The following ANKS3 variants were observed in gnomAD, a reference collection of about 807,000 sequenced individuals.
ANKS3 encodes the protein ankyrin repeat and SAM domain-containing protein 3.
Under a neutral mutation model 80.7 loss-of-function variants are expected in ANKS3, and 62 were observed. That is an observed-to-expected ratio of 0.77 (90% CI 0.63 to 0.95). The LOEUF is 0.95. Ranked by LOEUF, ANKS3 falls within the 40% of genes least tolerant of loss-of-function variation. The pLI is 0.00. For missense variants in ANKS3, 1,150 were observed against 883.6 expected, an observed-to-expected ratio of 1.30 and a Z score of -3.82; for synonymous variants, 489 against 355.3, an observed-to-expected ratio of 1.38 and a Z score of -4.23.
At chr16:4,697,542 T>C (rs950438856) in intron 15 of ANKS3, 126 bp from the exon 16 acceptor site, 10 of 761,610 alleles carry the variant, frequency 1.3e-5, no homozygotes, top group Non-Finnish European at 2.0e-5. Context: ...CCTGACAGTG[T>C]CTAAGCAACC....
intron 7 of ANKS3, among the ~76,000 whole-genome samples, chr16:4,713,443 AGTTGGG>A (rs1192954543): frequency 6.6e-6 from 1 of 152,108 alleles, no homozygotes; most frequent in Non-Finnish European, 1.5e-5. Flanking sequence ...ATACCCTGAG[AGTTGGG>A]GGGAAAAAAA....
chr16:4,696,930 G>A (rs898993383), intron 17 of ANKS3, 34 bp from the exon 18 acceptor site: 10 of 1,204,636 alleles, frequency 8.3e-6, no homozygotes, highest in African/African-American at 1.5e-5. Flanking sequence ...AAGGGAGGGG[G>A]ACAGGTGGGT....
At chr16:4,704,121 C>T (rs996605284) in intron 8 of ANKS3, among the ~76,000 whole-genome samples, 2 of 152,180 alleles carry the variant, frequency 1.3e-5, no homozygotes, top group African/African-American at 2.4e-5. Flanking sequence ...GCCAGCAGCT[C>T]GAGAGAGGCC....
At chr16:4,710,601 C>T (rs1055285130) in intron 7 of ANKS3, among the ~76,000 whole-genome samples, 2 of 151,890 alleles carry the variant, frequency 1.3e-5, no homozygotes, top group South Asian at 4.1e-4. Flanking sequence ...CCTAGCTACT[C>T]GTAGAGCTGA....
rs1027352591 is a variant in ANKS3 at position 4,697,531 on chromosome 16, G to A, written c.1811-115C>T. 7.5e-5 allele frequency: 63 copies of A among 834,616 alleles called. 1 individual carries two copies. In the East Asian group the frequency reaches 1.2e-3, roughly 17 times the overall value. The allele number at this position is 834,616 out of a possible 1,614,324, so 51.7% of individuals were successfully genotyped here. On this transcript the variant is annotated intron_variant, in intron 15 of 17. Coordinates refer to ENST00000304283, the MANE Select transcript of ANKS3 (RefSeq NM_133450.4). ...TGCTTGGATCAGAACCTCCCTACCCGCCTGACAGTGTCTAAGCAACCTCCC... is the reference window on the plus strand; with the variant it reads ...TGCTTGGATCAGAACCTCCCTACCCACCTGACAGTGTCTAAGCAACCTCCC...
intron 9 of ANKS3, 171 bp downstream of exon 9, chr16:4,701,931 A>G: frequency 1.2e-6 from 1 of 815,802 alleles, no homozygotes. Context: ...ATGCTGGACC[A>G]GAAGCTTCTC....
In ANKS3 at chr16:4,698,790, A is replaced by G; in HGVS notation, c.1551+10T>C. On this transcript the variant is annotated intron_variant, in intron 13 of 17. Coordinates refer to ENST00000304283, the MANE Select transcript of ANKS3 (RefSeq NM_133450.4). ...CACCCTGCCCCCCCATCCCCCACCC[A>G]GCCACTCACCTTGTGCAGCTGGATG... 6.3e-7 allele frequency: 1 copy of G among 1,598,904 alleles called. No individual in the cohort carries two copies. Among genetic ancestry groups the G allele is most frequent in the Non-Finnish European group, 8.5e-7 (1 of 1,173,248 alleles).
chr16:4,702,057 A>C, intron 9 of ANKS3, 45 bp downstream of exon 9: 1 of 1,532,190 alleles, frequency 6.5e-7, no homozygotes, highest in Admixed American at 1.9e-5. Context: ...CAGGAGCTCC[A>C]GGACCTGCCT....
intron 7 of ANKS3, among the ~76,000 whole-genome samples, chr16:4,713,311 T>G (rs2080601065): frequency 6.6e-6 from 1 of 151,496 alleles, no homozygotes; most frequent in Admixed American, 6.6e-5. Flanking sequence ...TGCCTTCAAA[T>G]GCACTGACAA....
In ANKS3 at chr16:4,729,976, T is replaced by C. The variant is rs1444840128; in HGVS notation, c.170+4A>G. 1 of 1,472,258 alleles carries C rather than the reference T, an allele frequency of 6.8e-7. No homozygotes were observed. The highest frequency in any genetic ancestry group is 9.1e-7 in the Non-Finnish European group (1 of 1,099,832). 91.2% of individuals were successfully genotyped at this position (1,472,258 alleles called of 1,614,324 possible). A position where few individuals can be genotyped will look rare whatever the true frequency, so the allele number is the denominator to read the frequency against. The stretch of plus-strand genomic sequence containing the variant: ...GTGAGAGGAAGTTCCCCGAGATCTC[T>C]TACCGCTGCACACACTCCTTCACCA... On this transcript the variant is annotated splice_donor_region_variant and intron_variant, in intron 3 of 17. Transcript: ENST00000304283.
At chr16:4,703,037 G>A (rs1294969595) in intron 8 of ANKS3, among the ~76,000 whole-genome samples, 6 of 152,132 alleles carry the variant, frequency 3.9e-5, no homozygotes, top group Non-Finnish European at 8.8e-5. Flanking sequence ...TGGGACCATG[G>A]GGAACTTACT....
At chr16:4,707,322 C>T (rs1457781111) in intron 7 of ANKS3, among the ~76,000 whole-genome samples, 2 of 148,154 alleles carry the variant, frequency 1.3e-5, no homozygotes, top group Non-Finnish European at 3.0e-5. Flanking sequence ...CACTCCGTCA[C>T]CTAGGCTGGA....
chr16:4,733,820 GC>G (rs1260653460), intron 1 of ANKS3, 117 bp downstream of exon 1: 2 of 606,948 alleles, frequency 3.3e-6, no homozygotes, highest in Non-Finnish European at 4.1e-6. Context: ...TAACTGTCAC[GC>G]CCACAGAGGA....
In ANKS3 at chr16:4,730,037, T is replaced by C. The variant is rs1567459984; in HGVS notation, c.113A>G (p.Asp38Gly). 6.3e-7 allele frequency: 1 copy of C among 1,588,996 alleles called. No individual in the cohort carries two copies. Among genetic ancestry groups the C allele is most frequent in the Non-Finnish European group, 8.6e-7 (1 of 1,164,752 alleles). The change falls in exon 3 of 18, where the codon GAT (aspartate) becomes GGT (glycine). Residue 38 changes from aspartate to glycine, a missense_variant. By Grantham distance (94) the Asp-to-Gly change is moderately conservative. Transcript: ENST00000304283. ...GCCAATGGAAGCAGCTGTGTGAAGATCCAGGGGGACATCCAGCTCCTCCCC... is the reference window on the plus strand; with the variant it reads ...GCCAATGGAAGCAGCTGTGTGAAGACCCAGGGGGACATCCAGCTCCTCCCC... ...VSGEELDVPL[D>G]LHTAASIGQY...
intron 1 of ANKS3, among the ~76,000 whole-genome samples, chr16:4,732,197 G>C (rs951889770): frequency 2.6e-5 from 4 of 152,134 alleles, no homozygotes; most frequent in African/African-American, 9.7e-5. Context: ...CAGAGCCCAA[G>C]ATCGTGCAGT....
In ANKS3 at chr16:4,696,855, G is replaced by T; in HGVS notation, c.*53C>A. ...CTGCTCACTGTCCTCCTCACTCCCT[G>T]GCACACAGCTTCAGGGTGGACCAAT... is the stretch of plus-strand genomic sequence containing the variant. On this transcript the variant is annotated 3_prime_UTR_variant, in exon 18 of 18. Transcript: ENST00000304283. The T allele has an allele frequency of 1.4e-6, 1 of 692,438 alleles. No individual in the cohort carries two copies. The highest frequency in any genetic ancestry group is 2.5e-6 in the Non-Finnish European group (1 of 403,290). 42.9% of individuals were successfully genotyped at this position (692,438 alleles called of 1,614,324 possible). A position where few individuals can be genotyped will look rare whatever the true frequency, so the allele number is the denominator to read the frequency against.
At chr16:4,725,663 T>C (rs1321451248) in intron 5 of ANKS3, among the ~76,000 whole-genome samples, 1 of 152,172 alleles carries the variant, frequency 6.6e-6, no homozygotes, top group African/African-American at 2.4e-5. Flanking sequence ...GACTGGTTTT[T>C]TGTTTGTTTT....
At chr16:4,707,430 T>A (rs2080257486) in intron 7 of ANKS3, among the ~76,000 whole-genome samples, 1 of 152,058 alleles carries the variant, frequency 6.6e-6, no homozygotes, top group African/African-American at 2.4e-5. Flanking sequence ...TGTAAGTATG[T>A]GCCACCATGC....
intron 6 of ANKS3, among the ~76,000 whole-genome samples, chr16:4,722,782 C>T (rs538247256): frequency 1.2e-4 from 18 of 145,272 alleles, no homozygotes; most frequent in African/African-American, 2.8e-4. Context: ...GCCAGGTGTG[C>T]GGGCGGGTGC....
Sources: allele counts gnomAD v4.1 joint callset (sites outside exome capture counted in the v4.1 genomes callset), GRCh38; gene constraint gnomAD v4.1.1; transcripts MANE v1.5; gene names NCBI Gene and HGNC (gene_info 2026-07-23, HGNC 2026-07-21).